Variants in EBF1 observed in about 807,000 individuals in gnomAD.
EBF1 encodes transcription factor COE1.
EBF1 carries 10 observed loss-of-function variants against 68.4 expected under a neutral mutation model. The observed-to-expected ratio is 0.15, with a 90% CI of 0.09 to 0.25. The LOEUF is 0.25. Among genes scored for constraint, EBF1 ranks in the 10% least tolerant of loss-of-function variants. The probability of loss-of-function intolerance (pLI) is 1.00; values close to 1 mark genes in which losing one functional copy is unlikely to be tolerated. For synonymous variants in EBF1, 298 were observed against 299.8 expected (o/e 0.99, Z 0.06); for missense variants, 509 against 794.4 (o/e 0.64, Z 4.32).
At chr5:158,749,550 C>T (rs930528751) in intron 10 of EBF1, among the ~76,000 whole-genome samples, 31 of 152,100 alleles carry the variant, frequency 2.0e-4, no homozygotes, top group African/African-American at 6.8e-4. Context: ...ATCAACCACG[C>T]TACAGTGAAG....
intron 6 of EBF1, among the ~76,000 whole-genome samples, chr5:158,923,068 G>A (rs1297413699): frequency 6.6e-6 from 1 of 152,220 alleles, no homozygotes; most frequent in East Asian, 1.9e-4. Flanking sequence ...CCCCTCCGTG[G>A]AGCCCGAAGG....
intron 6 of EBF1, among the ~76,000 whole-genome samples, chr5:158,883,428 A>G (rs1799366043): frequency 6.7e-6 from 1 of 150,094 alleles, no homozygotes; most frequent in African/African-American, 2.5e-5. Context: ...ATACGTATAT[A>G]TATATATACA....
At chr5:158,922,928 G>T (rs994927765) in intron 6 of EBF1, among the ~76,000 whole-genome samples, 6 of 152,182 alleles carry the variant, frequency 3.9e-5, no homozygotes, top group Admixed American at 2.6e-4. Flanking sequence ...GACTTTTTGA[G>T]AATTCAAGTG....
At chr5:159,041,264 C>T (rs754903764) in intron 6 of EBF1, among the ~76,000 whole-genome samples, 9 of 152,140 alleles carry the variant, frequency 5.9e-5, no homozygotes, top group Admixed American at 5.9e-4. Context: ...AAAAGGCAAA[C>T]GTTAACTTTT....
chr5:159,016,379 C>T (rs1765621514), intron 6 of EBF1, among the ~76,000 whole-genome samples: 1 of 152,074 alleles, frequency 6.6e-6, no homozygotes, highest in Non-Finnish European at 1.5e-5. Context: ...ACCCTCTTGC[C>T]TTTCGGAATT....
chr5:158,861,585 C>T (rs1267171729), intron 6 of EBF1, among the ~76,000 whole-genome samples: 1 of 152,178 alleles, frequency 6.6e-6, no homozygotes, highest in Non-Finnish European at 1.5e-5. Flanking sequence ...ACCAATGGCA[C>T]AGGAGTTGAG....
At chr5:159,039,726 G>A (rs575112674) in intron 6 of EBF1, among the ~76,000 whole-genome samples, 1 of 152,192 alleles carries the variant, frequency 6.6e-6, no homozygotes, top group South Asian at 2.1e-4. Context: ...CCTTCTCAAG[G>A]GCCCTGGGAA....
chr5:158,937,505 C>G (rs1259324376), intron 6 of EBF1, among the ~76,000 whole-genome samples: 1 of 152,134 alleles, frequency 6.6e-6, no homozygotes, highest in Non-Finnish European at 1.5e-5. Flanking sequence ...CAAATACTCT[C>G]CCTGAGCAAG....
chr5:158,922,170 G>A (rs768642340), intron 6 of EBF1, among the ~76,000 whole-genome samples: 6 of 152,206 alleles, frequency 3.9e-5, no homozygotes, highest in South Asian at 2.1e-4. Context: ...CATCTGTGCC[G>A]TTGACATATA....
chr5:158,917,898 T>C (rs1485588396), intron 6 of EBF1, among the ~76,000 whole-genome samples: 1 of 152,138 alleles, frequency 6.6e-6, no homozygotes, highest in African/African-American at 2.4e-5. Context: ...AACTCAGATA[T>C]CCCATGAGGT....
intron 6 of EBF1, among the ~76,000 whole-genome samples, chr5:158,927,111 G>A (rs184440837): frequency 3.9e-4 from 59 of 152,210 alleles, no homozygotes; most frequent in Non-Finnish European, 6.0e-4. Context: ...GATTTGCAGC[G>A]GTATTACTGT....
At chr5:158,839,598 G>A (rs1186971678) in intron 7 of EBF1, among the ~76,000 whole-genome samples, 3 of 152,056 alleles carry the variant, frequency 2.0e-5, no homozygotes, top group Non-Finnish European at 4.4e-5. Context: ...GGCCAGGCTG[G>A]TCTTGAACTC....
At chr5:158,881,846 G>C (rs546062317) in intron 6 of EBF1, among the ~76,000 whole-genome samples, 22 of 152,266 alleles carry the variant, frequency 1.4e-4, no homozygotes, top group African/African-American at 5.1e-4. Flanking sequence ...CAGCAATGCA[G>C]GGATTCTCAG....
chr5:159,094,622 C>A (rs547651617), intron 4 of EBF1, among the ~76,000 whole-genome samples: 1 of 152,242 alleles, frequency 6.6e-6, no homozygotes, highest in East Asian at 1.9e-4. Flanking sequence ...GAAAGAAAAT[C>A]ATTTCTCTTA....
intron 6 of EBF1, among the ~76,000 whole-genome samples, chr5:159,025,927 G>A (rs1177181736): frequency 2.0e-5 from 3 of 152,146 alleles, no homozygotes; most frequent in South Asian, 2.1e-4. Context: ...CACCTTTCAA[G>A]TTACATCCAA....
intron 6 of EBF1, among the ~76,000 whole-genome samples, chr5:159,068,235 A>T (rs1777177261): frequency 6.6e-6 from 1 of 152,188 alleles, no homozygotes; most frequent in Admixed American, 6.5e-5. Context: ...ATGACAAAAA[A>T]TAAATAAATA....
chr5:158,795,270 C>T (rs1187508710), intron 9 of EBF1, among the ~76,000 whole-genome samples: 1 of 152,180 alleles, frequency 6.6e-6, no homozygotes, highest in Non-Finnish European at 1.5e-5. Flanking sequence ...TTTGTGTGGC[C>T]ATATACAAAT....
At chr5:158,770,629 C>T (rs1050118229) in intron 10 of EBF1, among the ~76,000 whole-genome samples, 5 of 152,074 alleles carry the variant, frequency 3.3e-5, no homozygotes, top group South Asian at 4.1e-4. Context: ...TTCTTACAGC[C>T]GTCCAAGGTA....
At chr5:158,711,675 T>C (rs1759355546) in intron 14 of EBF1, among the ~76,000 whole-genome samples, 1 of 133,854 alleles carries the variant, frequency 7.5e-6, no homozygotes, top group East Asian at 3.3e-4. Context: ...TTTTGTTTGC[T>C]TTTTTTTTTT....
Sources: allele counts gnomAD v4.1 joint callset (sites outside exome capture counted in the v4.1 genomes callset), GRCh38; gene constraint gnomAD v4.1.1; transcripts MANE v1.5; gene names NCBI Gene and HGNC (gene_info 2026-07-23, HGNC 2026-07-21).